Variants in CFH observed in about 807,000 individuals in gnomAD.
CFH encodes the protein H factor 1 (complement).
Under a neutral mutation model 147.3 loss-of-function variants are expected in CFH, and 53 were observed. The observed-to-expected ratio is 0.36, with a 90% CI of 0.29 to 0.45. CFH has a LOEUF of 0.45. Ranked by LOEUF, CFH falls within the 20% of genes least tolerant of loss-of-function variation. The pLI is 1.00. For synonymous variants in CFH, 536 were observed against 489.4 expected, an observed-to-expected ratio of 1.10 and a Z score of -1.26; for missense variants, 1,380 against 1,498.0, an observed-to-expected ratio of 0.92 and a Z score of 1.30.
At chr1:196,654,134 G>A (rs1666597433) in intron 1 of CFH, among the ~76,000 whole-genome samples, 1 of 151,924 alleles carries the variant, frequency 6.6e-6, no homozygotes, top group Non-Finnish European at 1.5e-5. Flanking sequence ...ATTTGCTTCT[G>A]TTTATATTTT....
chr1:196,660,765 G>A lies in CFH; in HGVS notation c.58+8590G>A, dbSNP rs927841324. Among the ~76,000 whole-genome samples the A allele has an allele frequency of 1.7e-4, 26 of 152,300 alleles. No homozygotes were observed. In the Middle Eastern group the frequency reaches 0.017, roughly 100 times the overall value. The stretch of plus-strand genomic sequence containing the variant: ...CATATTCACAGAGTAAATATTGTGA[G>A]AAGTTGGTAGGAAGATTTTGTGGAA... On this transcript the variant is annotated intron_variant, in intron 1 of 21. Transcript: ENST00000367429.
chr1:196,694,463 A>T (rs1345846420), intron 9 of CFH, among the ~76,000 whole-genome samples: 2 of 151,658 alleles, frequency 1.3e-5, no homozygotes, highest in African/African-American at 4.8e-5. Flanking sequence ...TGTGATAAAC[A>T]TATGTGTGCA....
At chr1:196,687,089 A>G (rs1444307955) in intron 7 of CFH, among the ~76,000 whole-genome samples, 1 of 152,116 alleles carries the variant, frequency 6.6e-6, no homozygotes, top group Non-Finnish European at 1.5e-5. Context: ...TAATAAGATG[A>G]AATTTAACAA....
intron 11 of CFH, among the ~76,000 whole-genome samples, chr1:196,720,844 T>C (rs1369251441): frequency 1.3e-5 from 2 of 151,924 alleles, no homozygotes; most frequent in Non-Finnish European, 2.9e-5. Flanking sequence ...CTGGGTGAAA[T>C]GGTAGTTCTG....
chr1:196,678,384 A>G (rs1170308086), intron 5 of CFH: 1 of 152,006 alleles, frequency 6.6e-6, no homozygotes, highest in Non-Finnish European at 1.5e-5. Context: ...GTTTAGTAGT[A>G]CCATAGTTCA....
rs1652603773 is a variant in CFH, at chr1:196,737,594, A to T, written c.2716A>T (p.Arg906Trp). The T allele has an allele frequency of 6.2e-7, 1 of 1,613,352 alleles. No individual in the cohort carries two copies. Among genetic ancestry groups the T allele is most frequent in the African/African-American group, 1.3e-5 (1 of 74,890 alleles). Residue 906 changes from arginine (R) to tryptophan (W), a missense_variant, in exon 17 of 22, where the codon AGG (arginine) becomes TGG (tryptophan). By Grantham distance (101) the Arg-to-Trp change is moderately radical. Around this residue, in one of 4 missense-constraint regions of CFH, gnomAD observed 830 missense variants for 821.4 expected, o/e 1.01. Coordinates refer to ENST00000367429, the MANE Select transcript of CFH (RefSeq NM_000186.4). ...GAGTTATACTTGTGAGGGTGGTTTC[A>T]GGATATCTGAAGAAAATGAAACAAC... ...KLSYTCEGGFRISEENETTCY... is the reference protein window; with the variant it reads ...KLSYTCEGGFWISEENETTCY...
intron 1 of CFH, among the ~76,000 whole-genome samples, chr1:196,656,675 A>ATG (rs1214543869): frequency 1.4e-5 from 2 of 142,166 alleles, no homozygotes; most frequent in African/African-American, 5.4e-5. Flanking sequence ...ACTTGGTACA[A>ATG]TGTGTGTTGC....
intron 2 of CFH, among the ~76,000 whole-genome samples, chr1:196,673,595 C>T (rs1667357719): frequency 6.6e-6 from 1 of 152,158 alleles, no homozygotes; most frequent in African/African-American, 2.4e-5. Flanking sequence ...CTCAGCCTCC[C>T]AAAGTGCTGG....
intron 1 of CFH, among the ~76,000 whole-genome samples, chr1:196,666,828 G>A (rs1022319300): frequency 6.7e-6 from 1 of 148,892 alleles, no homozygotes; most frequent in Admixed American, 6.7e-5. Flanking sequence ...AAAAAAAAGG[G>A]TTGCTTAACT....
intron 6 of CFH, 142 bp from the exon 7 acceptor site, chr1:196,684,922 A>G (rs375187571): frequency 1.5e-6 from 1 of 672,388 alleles, no homozygotes; most frequent in East Asian, 2.7e-5. Flanking sequence ...ACCAGAAAGG[A>G]TACTATGATA....
At chr1:196,702,156 C>A (rs1439746006) in intron 9 of CFH, among the ~76,000 whole-genome samples, 2 of 152,124 alleles carry the variant, frequency 1.3e-5, no homozygotes, top group African/African-American at 4.8e-5. Context: ...CTATGACTCA[C>A]CCCCCTCCAC....
At chr1:196,692,757 T>TCTCTTTCCCTTC (rs1668090661) in intron 9 of CFH, among the ~76,000 whole-genome samples, 2 of 19,472 alleles carry the variant, frequency 1.0e-4, no homozygotes, top group Admixed American at 6.0e-4. Flanking sequence ...TTTCTTTCTT[T>TCTCTTTCCCTTC]CTTTCTTTCT....
intron 11 of CFH, among the ~76,000 whole-genome samples, chr1:196,716,028 A>G (rs566031748): frequency 6.6e-6 from 1 of 152,236 alleles, no homozygotes; most frequent in Non-Finnish European, 1.5e-5. Flanking sequence ...CCTAAATAAA[A>G]GCTTTCAAAT....
At chr1:196,667,111 G>T (rs1240924969) in intron 1 of CFH, among the ~76,000 whole-genome samples, 6 of 152,080 alleles carry the variant, frequency 3.9e-5, no homozygotes, top group Non-Finnish European at 5.9e-5. Flanking sequence ...ATGGTGGATT[G>T]CTTACTTCTT....
intron 9 of CFH, chr1:196,700,808 G>A (rs1668429323): frequency 1.1e-5 from 11 of 985,220 alleles, no homozygotes; most frequent in African/African-American, 1.7e-5. Flanking sequence ...CCTTAGCTGG[G>A]GCCTTCTGTG....
intron 9 of CFH, among the ~76,000 whole-genome samples, chr1:196,710,978 A>G (rs1213428335): frequency 6.6e-6 from 1 of 152,096 alleles, no homozygotes; most frequent in African/African-American, 2.4e-5. Context: ...ATTTATTGAC[A>G]TGGCATTATT....
At chr1:196,654,501 A>C (rs1472587326) in intron 1 of CFH, among the ~76,000 whole-genome samples, 1 of 152,152 alleles carries the variant, frequency 6.6e-6, no homozygotes, top group African/African-American at 2.4e-5. Context: ...GATTTACAGG[A>C]CAAAGTTTAA....
At chr1:196,689,736 C>A in intron 8 of CFH, 122 bp downstream of exon 8, 1 of 1,124,230 alleles carries the variant, frequency 8.9e-7, no homozygotes, top group South Asian at 1.3e-5. Flanking sequence ...AAGAGTTGTT[C>A]AAGCAAAGTG....
chr1:196,657,889 G>A (rs1666758644), intron 1 of CFH, among the ~76,000 whole-genome samples: 1 of 152,004 alleles, frequency 6.6e-6, no homozygotes, highest in Non-Finnish European at 1.5e-5. Context: ...ATTTGATTAA[G>A]GATTTCCCAA....
Sources: gnomAD v4.1 joint callset for allele counts (sites outside exome capture counted in the v4.1 genomes callset) on GRCh38, gnomAD v4.1.1 for gene constraint, gnomAD v4.1.1 regional missense constraint, MANE v1.5 for transcripts, NCBI Gene and HGNC (gene_info 2026-07-23, HGNC 2026-07-21) for gene names.